Variants in CLEC6A observed in about 807,000 individuals in gnomAD.
CLEC6A encodes the protein C-type lectin domain family 6 member A.
A neutral mutation model predicts 25.7 loss-of-function variants in CLEC6A; 22 were observed. The ratio of observed to expected loss-of-function variants is 0.85; its 90% CI spans 0.61 to 1.22. The LOEUF is 1.22. Among genes scored for constraint, CLEC6A ranks in the 50% most tolerant of loss-of-function variants. The pLI is 0.00. For missense variants in CLEC6A, 240 were observed against 236.8 expected, an observed-to-expected ratio of 1.01 and a Z score of -0.09; for synonymous variants, 92 against 76.7, an observed-to-expected ratio of 1.20 and a Z score of -1.04.
intron 3 of CLEC6A, among the ~76,000 whole-genome samples, chr12:8,463,801 C>T (rs772550706): frequency 6.6e-6 from 1 of 152,318 alleles, no homozygotes; most frequent in East Asian, 1.9e-4. Flanking sequence ...GTAACGTGAT[C>T]AGCTCATTAT....
chr12:8,468,739 T>C (rs891882503), intron 4 of CLEC6A, among the ~76,000 whole-genome samples: 3 of 152,138 alleles, frequency 2.0e-5, no homozygotes, highest in African/African-American at 7.2e-5. Flanking sequence ...ATCCAGCATA[T>C]CTTTATTATT....
chr12:8,458,012 T>A, intron 2 of CLEC6A, 25 bp downstream of exon 2: 1 of 1,497,376 alleles, frequency 6.7e-7, no homozygotes, highest in Non-Finnish European at 9.3e-7. Flanking sequence ...GAGGTGCATT[T>A]TCCTTGCTTC....
rs181623305 is a variant in CLEC6A, at chr12:8,474,536, C to G, written c.370-1589C>G. 2.6e-5 allele frequency among the ~76,000 whole-genome samples: 4 copies of G among 152,070 alleles called. No homozygotes were observed. The East Asian group carries it at 7.7e-4, about 29-fold the overall frequency. Reference sequence around the variant, plus strand: ...CTGGCTTTGTTCTTTTGAGCAGGTACTTTTAAAAATACAAATTAATACCAG... The same window carrying G: ...CTGGCTTTGTTCTTTTGAGCAGGTAGTTTTAAAAATACAAATTAATACCAG... On this transcript the variant is annotated intron_variant, in intron 4 of 5. Coordinates refer to ENST00000382073, the MANE Select transcript of CLEC6A (RefSeq NM_001007033.2).
At chr12:8,470,363 A>G (rs777573245) in intron 4 of CLEC6A, among the ~76,000 whole-genome samples, 1 of 152,174 alleles carries the variant, frequency 6.6e-6, no homozygotes, top group Admixed American at 6.5e-5. Flanking sequence ...CCACTGTGGA[A>G]AGCATTGTGG....
chr12:8,456,135 A>G lies in CLEC6A; in HGVS notation c.24A>G (p.Gln8=). 3.1e-6 allele frequency: 5 copies of G among 1,613,822 alleles called. No individual in the cohort carries two copies. Among genetic ancestry groups the G allele is most frequent in the Non-Finnish European group, 3.4e-6 (4 of 1,179,840 alleles). MMQEQQP[Q]STEKRGWLSL... ...TAATGATGCAAGAGCAGCAACCTCAAAGTACAGGTGAGTATTTCCTCAGTT... is the reference window on the plus strand; with the variant it reads ...TAATGATGCAAGAGCAGCAACCTCAGAGTACAGGTGAGTATTTCCTCAGTT... Residue 8 remains glutamine (Q), a synonymous_variant, in exon 1 of 6, where the codon CAA becomes CAG. Transcript: ENST00000382073.
rs771979018 is a variant in CLEC6A at position 8,465,467 on chromosome 12, A to T, written c.224-17A>T. ...TATCTTGCACTCACTCTTTTTTTTC[A>T]TGTAACACAAAAATAGCCTGGGGAT... is the stretch of plus-strand genomic sequence containing the variant. On this transcript the variant is annotated splice_polypyrimidine_tract_variant and intron_variant, in intron 3 of 5. Transcript: ENST00000382073. 6.2e-7 allele frequency: 1 copy of T among 1,611,282 alleles called. No individual in the cohort carries two copies. Among genetic ancestry groups the T allele is most frequent in the Non-Finnish European group, 8.5e-7 (1 of 1,179,010 alleles).
chr12:8,464,856 A>C (rs1280917174), intron 3 of CLEC6A, among the ~76,000 whole-genome samples: 1 of 152,226 alleles, frequency 6.6e-6, no homozygotes, highest in Non-Finnish European at 1.5e-5. Context: ...ATACTGTGTG[A>C]AAATTAGTAA....
chr12:8,464,750 T>C (rs1387491050), intron 3 of CLEC6A, among the ~76,000 whole-genome samples: 1 of 152,220 alleles, frequency 6.6e-6, no homozygotes, highest in African/African-American at 2.4e-5. Flanking sequence ...GATTTGTATA[T>C]GGCTAGCTAT....
chr12:8,462,605 T>C (rs182798707), intron 3 of CLEC6A, among the ~76,000 whole-genome samples: 1,365 of 125,360 alleles, frequency 0.011, no homozygotes, highest in Admixed American at 0.03. Context: ...AGCACTTAAT[T>C]CTTTACCTTG....
intron 1 of CLEC6A, among the ~76,000 whole-genome samples, 158 bp from the exon 2 acceptor site, chr12:8,457,740 G>C (rs1565481103): frequency 1.3e-5 from 2 of 152,196 alleles, no homozygotes. Flanking sequence ...CTACTACCTG[G>C]TTATTTATTC....
chr12:8,462,051 C>G (rs1004482742), intron 3 of CLEC6A, among the ~76,000 whole-genome samples: 2 of 152,188 alleles, frequency 1.3e-5, no homozygotes, highest in Admixed American at 1.3e-4. Flanking sequence ...TGCTGTTAAT[C>G]TGTAGCCTTA....
At chr12:8,468,252 C>A (rs1305001312) in intron 4 of CLEC6A, among the ~76,000 whole-genome samples, 1 of 152,174 alleles carries the variant, frequency 6.6e-6, no homozygotes, top group Non-Finnish European at 1.5e-5. Context: ...CTTGATGCTA[C>A]TTTAAATGGG....
At chr12:8,466,640 G>A (rs1939833777) in intron 4 of CLEC6A, among the ~76,000 whole-genome samples, 1 of 147,602 alleles carries the variant, frequency 6.8e-6, no homozygotes, top group Admixed American at 7.0e-5. Context: ...AATGATTAGT[G>A]ATGTTGAGCA....
chr12:8,461,048 G>A (rs998660883), intron 3 of CLEC6A: 4 of 1,591,540 alleles, frequency 2.5e-6, no homozygotes, highest in Non-Finnish European at 3.4e-6. Flanking sequence ...GCTATCAGAA[G>A]AAATCCTGAC....
intron 4 of CLEC6A, among the ~76,000 whole-genome samples, chr12:8,468,214 A>G (rs1224107017): frequency 6.6e-6 from 1 of 152,224 alleles, no homozygotes; most frequent in Non-Finnish European, 1.5e-5. Context: ...AAGGGCTGGG[A>G]TTACAGGCGT....
In CLEC6A at chr12:8,459,937, G is replaced by A. The variant is rs139331642; in HGVS notation, c.223+239G>A. Among the ~76,000 whole-genome samples the A allele has an allele frequency of 3.8e-3, 573 of 152,268 alleles. 2 individuals carry two copies. The highest frequency in any genetic ancestry group is 0.013 in the African/African-American group (529 of 41,536). On this transcript the variant is annotated intron_variant, in intron 3 of 5. Transcript: ENST00000382073. ...GTAAATATTATAAACCTACATGCAT[G>A]TAATTTGCTCAGGCCAACCCTGGAA...
At chr12:8,460,788 A>G in intron 3 of CLEC6A, 1 of 1,313,930 alleles carries the variant, frequency 7.6e-7, no homozygotes, top group East Asian at 2.3e-5. Flanking sequence ...AGGCCAAACA[A>G]GGTTACCTTA....
intron 4 of CLEC6A, among the ~76,000 whole-genome samples, chr12:8,471,042 A>C (rs1256850317): frequency 1.3e-5 from 2 of 152,108 alleles, no homozygotes; most frequent in Non-Finnish European, 2.9e-5. Flanking sequence ...TTATGCACCA[A>C]TTGAGGTAAT....
rs1213429001 is a variant in CLEC6A at position 8,465,573 on chromosome 12, C to G, written c.313C>G (p.Gln105Glu). 6.2e-7 allele frequency: 1 copy of G among 1,613,926 alleles called. No homozygotes were observed. The highest frequency in any genetic ancestry group is 2.2e-5 in the East Asian group (1 of 44,868). ...AGAGAAGGTTTGGTCTAAGAGTGAGCAGAACTGTGTTGAGATGGGAGCACA... is the reference window on the plus strand; with the variant it reads ...AGAGAAGGTTTGGTCTAAGAGTGAGGAGAACTGTGTTGAGATGGGAGCACA... ...SEEKVWSKSE[Q>E]NCVEMGAHLV... is the part of the protein sequence containing the mutation. Residue 105 changes from glutamine (Q) to glutamate (E), a missense_variant, in exon 4 of 6, where the codon CAG becomes GAG. Physicochemically the swap from Gln to Glu is conservative, Grantham distance 29. Transcript: ENST00000382073.
Sources: gnomAD v4.1 joint callset for allele counts (sites outside exome capture counted in the v4.1 genomes callset) on GRCh38, gnomAD v4.1.1 for gene constraint, MANE v1.5 for transcripts, NCBI Gene and HGNC (gene_info 2026-07-23, HGNC 2026-07-21) for gene names.